SUGCT: variants seen among roughly 807,000 people sequenced by gnomAD.
SUGCT encodes succinyl-CoA:glutarate-CoA transferase.
A neutral mutation model predicts 55.0 loss-of-function variants in SUGCT; 41 were observed. The observed-to-expected ratio is 0.74, with a 90% CI of 0.58 to 0.97. The LOEUF (loss-of-function observed/expected upper bound fraction) is 0.97, where lower values mean the gene tolerates loss of function less well. Ranked by LOEUF, SUGCT falls within the 50% of genes least tolerant of loss-of-function variation. The probability of loss-of-function intolerance (pLI) is 0.00; values close to 1 mark genes in which losing one functional copy is unlikely to be tolerated. For synonymous variants in SUGCT, 187 were observed against 200.4 expected (o/e 0.93, Z 0.56); for missense variants, 568 against 547.8 (o/e 1.04, Z -0.37).
intron 12 of SUGCT, among the ~76,000 whole-genome samples, chr7:40,513,261 A>G (rs1793041191): frequency 6.6e-6 from 1 of 152,048 alleles, no homozygotes; most frequent in Non-Finnish European, 1.5e-5. Context: ...CTTCTGGTAA[A>G]CTCAAATTCT....
intron 12 of SUGCT, among the ~76,000 whole-genome samples, chr7:40,708,616 G>A (rs531512066): frequency 8.5e-4 from 130 of 152,162 alleles, no homozygotes; most frequent in African/African-American, 2.7e-3. Flanking sequence ...CAGGGGCCTG[G>A]CTACATCCTG....
At chr7:40,422,003 C>T (rs900083558) in intron 9 of SUGCT, among the ~76,000 whole-genome samples, 4 of 151,926 alleles carry the variant, frequency 2.6e-5, no homozygotes, top group African/African-American at 7.3e-5. Flanking sequence ...AACATTTTCC[C>T]TCTAATGTCT....
chr7:40,145,863 T>G (rs1041074587), intron 1 of SUGCT, among the ~76,000 whole-genome samples: 1 of 152,230 alleles, frequency 6.6e-6, no homozygotes, highest in Non-Finnish European at 1.5e-5. Flanking sequence ...CCTTATCCCT[T>G]ACTGAATACC....
intron 12 of SUGCT, among the ~76,000 whole-genome samples, chr7:40,508,565 T>G (rs1447000092): frequency 6.6e-6 from 1 of 151,664 alleles, no homozygotes; most frequent in Non-Finnish European, 1.5e-5. Flanking sequence ...TAGAGCTTGG[T>G]AGTGATGGTG....
chr7:40,647,969 G>A (rs776680012), intron 12 of SUGCT, among the ~76,000 whole-genome samples: 4 of 152,044 alleles, frequency 2.6e-5, no homozygotes, highest in African/African-American at 4.8e-5. Flanking sequence ...CACATTCCTT[G>A]AACATTGATT....
At chr7:40,245,423 A>ATTTTTTTTT (rs1168316176) in intron 7 of SUGCT, among the ~76,000 whole-genome samples, 7 of 54,586 alleles carry the variant, frequency 1.3e-4, no homozygotes, top group African/African-American at 5.3e-4. Flanking sequence ...ATATATATAT[A>ATTTTTTTTT]TTTTTTTTTT....
At chr7:40,609,410 C>T (rs1798668168) in intron 12 of SUGCT, among the ~76,000 whole-genome samples, 2 of 151,580 alleles carry the variant, frequency 1.3e-5, no homozygotes, top group Non-Finnish European at 2.9e-5. Context: ...ACTAAAAATA[C>T]AAAAAAATTA....
the SUGCT span, among the ~76,000 whole-genome samples, chr7:40,920,219 T>C: frequency 6.6e-6 from 1 of 152,148 alleles, no homozygotes; most frequent in Non-Finnish European, 1.5e-5. Flanking sequence ...CATTTTCTCA[T>C]AGAAGGAACC....
intron 12 of SUGCT, among the ~76,000 whole-genome samples, chr7:40,562,647 G>A (rs1298543804): frequency 6.6e-6 from 1 of 152,170 alleles, no homozygotes; most frequent in Non-Finnish European, 1.5e-5. Flanking sequence ...TGTTATAATA[G>A]CCTGGGAGAT....
intron 12 of SUGCT, among the ~76,000 whole-genome samples, chr7:40,616,691 G>C (rs1799018502): frequency 6.6e-6 from 1 of 152,198 alleles, no homozygotes; most frequent in Non-Finnish European, 1.5e-5. Flanking sequence ...AGACTCTGAA[G>C]GTGGCCATAA....
the SUGCT span, among the ~76,000 whole-genome samples, chr7:40,880,714 C>T: frequency 2.0e-5 from 3 of 151,984 alleles, 1 homozygote; most frequent in South Asian, 4.1e-4. Context: ...AGAATCTCTT[C>T]GTTGCCTTCC....
chr7:40,229,277 G>T (rs143593547), intron 6 of SUGCT, among the ~76,000 whole-genome samples: 3,276 of 152,326 alleles, frequency 0.022, 102 homozygotes, highest in African/African-American at 0.074. Context: ...CCAGCAGTTT[G>T]GGAGGCCAAG....
chr7:40,247,100 T>G (rs939818645), intron 7 of SUGCT, among the ~76,000 whole-genome samples: 2 of 152,156 alleles, frequency 1.3e-5, no homozygotes, highest in Non-Finnish European at 2.9e-5. Flanking sequence ...TGCGTATTGA[T>G]TTCTCTTGGT....
chr7:40,163,591 C>T (rs1433372165), intron 1 of SUGCT, among the ~76,000 whole-genome samples: 6 of 139,918 alleles, frequency 4.3e-5, no homozygotes, highest in South Asian at 2.4e-4. Context: ...GGTGATAGAG[C>T]GAGACTCTGT....
intron 12 of SUGCT, chr7:40,538,250 A>G (rs1794477778): frequency 6.6e-6 from 1 of 152,230 alleles, no homozygotes; most frequent in African/African-American, 2.4e-5. Flanking sequence ...GAACATATTC[A>G]TCCCCTGAGC....
At chr7:40,141,853 G>A (rs778055757) in intron 1 of SUGCT, 10 of 424,858 alleles carry the variant, frequency 2.4e-5, no homozygotes, top group East Asian at 7.2e-5. Context: ...AGAAGAATGC[G>A]CCCTTACAGA....
intron 9 of SUGCT, among the ~76,000 whole-genome samples, chr7:40,376,745 TC>T (rs1374343203): frequency 2.4e-5 from 1 of 42,150 alleles, no homozygotes; most frequent in Non-Finnish European, 6.9e-5. Flanking sequence ...ATATAATCAC[TC>T]TTTTTTTTTT....
chr7:40,713,142 G>A (rs1785815048), intron 12 of SUGCT, among the ~76,000 whole-genome samples: 1 of 152,180 alleles, frequency 6.6e-6, no homozygotes, highest in African/African-American at 2.4e-5. Flanking sequence ...TACCTGTCAG[G>A]AAAGGGACAC....
chr7:40,898,588 G>C, the SUGCT span, among the ~76,000 whole-genome samples: 1 of 151,684 alleles, frequency 6.6e-6, no homozygotes, highest in Non-Finnish European at 1.5e-5. Flanking sequence ...TTTGGGCGAG[G>C]TGGTGGGCGC....
Sources: allele counts gnomAD v4.1 joint callset (sites outside exome capture counted in the v4.1 genomes callset), GRCh38; gene constraint gnomAD v4.1.1; transcripts MANE v1.5; gene names NCBI Gene and HGNC (gene_info 2026-07-23, HGNC 2026-07-21).